The following ADGRL2 variants were observed in gnomAD, a reference collection of about 807,000 sequenced individuals.
The protein encoded by ADGRL2 is calcium-independent alpha-latrotoxin receptor 2.
A neutral mutation model predicts 157.4 loss-of-function variants in ADGRL2; 44 were observed. The ratio of observed to expected loss-of-function variants is 0.28; its 90% CI spans 0.22 to 0.36. ADGRL2 has a LOEUF of 0.36. Among genes scored for constraint, ADGRL2 ranks in the 10% least tolerant of loss-of-function variants. The probability of loss-of-function intolerance (pLI) is 1.00; values close to 1 mark genes in which losing one functional copy is unlikely to be tolerated. For missense variants in ADGRL2, 1,510 were observed against 1,768.9 expected, an observed-to-expected ratio of 0.85 and a Z score of 2.63; for synonymous variants, 585 against 624.7, an observed-to-expected ratio of 0.94 and a Z score of 0.95.
intron 3 of ADGRL2, among the ~76,000 whole-genome samples, chr1:81,620,921 G>A (rs185062055): frequency 8.3e-4 from 127 of 152,334 alleles, no homozygotes; most frequent in African/African-American, 3.0e-3. Context: ...AAAGCCTTCC[G>A]AGTGTTAGGA....
chr1:81,765,688 G>T (rs1205372069), intron 2 of ADGRL2, among the ~76,000 whole-genome samples: 3 of 151,814 alleles, frequency 2.0e-5, no homozygotes, highest in Non-Finnish European at 4.4e-5. Context: ...AATGAATAAA[G>T]GTTGAATGCA....
intron 2 of ADGRL2, among the ~76,000 whole-genome samples, chr1:81,874,816 C>T (rs2151085572): frequency 6.6e-6 from 1 of 152,152 alleles, no homozygotes; most frequent in African/African-American, 2.4e-5. Flanking sequence ...AGTGATTCTC[C>T]TGCTTCAGCC....
intron 1 of ADGRL2, among the ~76,000 whole-genome samples, chr1:81,425,268 G>A (rs571083096): frequency 4.5e-4 from 68 of 152,178 alleles, no homozygotes; most frequent in African/African-American, 1.6e-3. Context: ...ACCCATGCAT[G>A]TGTACACACA....
intron 1 of ADGRL2, among the ~76,000 whole-genome samples, chr1:81,355,003 C>G (rs980421771): frequency 6.6e-6 from 1 of 152,108 alleles, no homozygotes; most frequent in Non-Finnish European, 1.5e-5. Flanking sequence ...GAAAAAAATA[C>G]GTGCCAGGCA....
intron 2 of ADGRL2, among the ~76,000 whole-genome samples, chr1:81,506,600 C>T (rs963791468): frequency 5.3e-5 from 8 of 151,960 alleles, no homozygotes; most frequent in African/African-American, 1.9e-4. Flanking sequence ...GTCTCAGCTA[C>T]TCAGGAGGCT....
At chr1:81,940,731 A>AC (rs372195731) in intron 4 of ADGRL2, among the ~76,000 whole-genome samples, 95,597 of 151,214 alleles carry the variant, frequency 0.63, 30,945 homozygotes, top group East Asian at 0.92. Flanking sequence ...CAGTATTAGC[A>AC]ACCCTGATGC....
rs964891348 is a variant in ADGRL2 at position 81,553,148 on chromosome 1, T to TG, written c.-247-27727dup. On this transcript the variant is annotated intron_variant, in intron 2 of 24. Coordinates refer to the ADGRL2 transcript ENST00000370721. ...AGGAAGAATAAATTTTTAGTGTTTC[T>TG]GAAAAACACATAAAAATTTTCAGTA... is the stretch of plus-strand genomic sequence containing the variant. Among the ~76,000 whole-genome samples the TG allele has an allele frequency of 1.0e-3, 159 of 152,160 alleles. 1 individual carries two copies. Among genetic ancestry groups the TG allele is most frequent in the African/African-American group, 3.5e-3 (147 of 41,444 alleles).
At chr1:81,418,260 A>G (rs1470386298) in intron 1 of ADGRL2, among the ~76,000 whole-genome samples, 1 of 152,232 alleles carries the variant, frequency 6.6e-6, no homozygotes, top group Non-Finnish European at 1.5e-5. Flanking sequence ...ACTATTTTAA[A>G]ATATACACAC....
chr1:81,635,633 G>GCT (rs2082100399), intron 3 of ADGRL2, among the ~76,000 whole-genome samples: 1 of 152,144 alleles, frequency 6.6e-6, no homozygotes, highest in South Asian at 2.1e-4. Context: ...AGGGGTAAGA[G>GCT]CTCTCTCTTG....
intron 3 of ADGRL2, among the ~76,000 whole-genome samples, chr1:81,630,083 T>C (rs529316635): frequency 1.3e-5 from 2 of 152,130 alleles, no homozygotes; most frequent in South Asian, 2.1e-4. Context: ...ACATAATAAT[T>C]GCACATACAT....
chr1:81,555,268 T>C (rs1325464506), intron 2 of ADGRL2, among the ~76,000 whole-genome samples: 1 of 146,940 alleles, frequency 6.8e-6, no homozygotes, highest in African/African-American at 2.6e-5. Context: ...TTCTTTTCTT[T>C]TTTTTTTTTT....
intron 2 of ADGRL2, among the ~76,000 whole-genome samples, chr1:81,785,915 T>C (rs2087021412): frequency 6.6e-6 from 1 of 151,566 alleles, no homozygotes; most frequent in Non-Finnish European, 1.5e-5. Flanking sequence ...GCAACCAGCC[T>C]GGACAAAATA....
chr1:81,562,321 T>C (rs2080461521), intron 2 of ADGRL2, among the ~76,000 whole-genome samples: 1 of 152,170 alleles, frequency 6.6e-6, no homozygotes, highest in Non-Finnish European at 1.5e-5. Context: ...TTGTTCCATA[T>C]GTAAACTGAC....
At chr1:81,523,755 G>GA (rs1224263934) in intron 2 of ADGRL2, among the ~76,000 whole-genome samples, 1 of 152,064 alleles carries the variant, frequency 6.6e-6, no homozygotes, top group Non-Finnish European at 1.5e-5. Context: ...GGCAATAGCA[G>GA]AAAAAATAAA....
At chr1:81,848,265 A>G (rs1368725146) in intron 2 of ADGRL2, among the ~76,000 whole-genome samples, 1 of 151,898 alleles carries the variant, frequency 6.6e-6, no homozygotes, top group Non-Finnish European at 1.5e-5. Flanking sequence ...AATTTTAAAA[A>G]TAGAGACTCC....
intron 2 of ADGRL2, among the ~76,000 whole-genome samples, chr1:81,879,289 A>G (rs1175780458): frequency 2.0e-5 from 3 of 152,120 alleles, no homozygotes; most frequent in Non-Finnish European, 2.9e-5. Flanking sequence ...TCAGGAAAAA[A>G]AAAATCTCAG....
At chr1:81,946,363 G>A (rs1163857532) in intron 6 of ADGRL2, among the ~76,000 whole-genome samples, 1 of 133,466 alleles carries the variant, frequency 7.5e-6, no homozygotes, top group Non-Finnish European at 1.6e-5. Context: ...TTTTTGGTGA[G>A]TTTTGAGCTC....
chr1:81,954,681 GA>G (rs1262000408), intron 10 of ADGRL2, among the ~76,000 whole-genome samples: 3 of 152,162 alleles, frequency 2.0e-5, no homozygotes, highest in African/African-American at 7.2e-5. Flanking sequence ...ATTAGAGGGA[GA>G]AAAAAAGCCT....
intron 1 of ADGRL2, among the ~76,000 whole-genome samples, chr1:81,748,652 A>G (rs997792176): frequency 6.9e-6 from 1 of 144,216 alleles, no homozygotes; most frequent in Admixed American, 6.8e-5. Flanking sequence ...CTTATTTCTC[A>G]TTCATTCCTT....
Sources: allele counts gnomAD v4.1 joint callset (sites outside exome capture counted in the v4.1 genomes callset), GRCh38; gene constraint gnomAD v4.1.1; transcripts MANE v1.5; gene names NCBI Gene and HGNC (gene_info 2026-07-23, HGNC 2026-07-21).